Variants in DDX10 observed in about 807,000 individuals in gnomAD.
DDX10 encodes the protein DEAD-box helicase 10.
A neutral mutation model predicts 104.3 loss-of-function variants in DDX10; 74 were observed. That is an observed-to-expected ratio of 0.71 (90% confidence interval 0.59 to 0.86). DDX10 has a LOEUF of 0.86. Among genes scored for constraint, DDX10 ranks in the 40% least tolerant of loss-of-function variants. DDX10 has a pLI of 0.00. For missense variants in DDX10, 952 were observed against 1,040.0 expected (o/e 0.92, Z 1.16); for synonymous variants, 351 against 353.4 (o/e 0.99, Z 0.08).
intron 6 of DDX10, among the ~76,000 whole-genome samples, chr11:108,685,546 T>C (rs2094242676): frequency 6.6e-6 from 1 of 152,222 alleles, no homozygotes; most frequent in Non-Finnish European, 1.5e-5. Flanking sequence ...TCGGCCATCT[T>C]GGCTCCTCCC....
chr11:108,880,399 G>A (rs1391115560), intron 16 of DDX10, among the ~76,000 whole-genome samples: 1 of 152,158 alleles, frequency 6.6e-6, no homozygotes, highest in African/African-American at 2.4e-5. Flanking sequence ...TTAATTTGGT[G>A]GTGGGAGTTG....
chr11:108,695,403 C>G (rs1332873666), intron 9 of DDX10, among the ~76,000 whole-genome samples: 1 of 152,178 alleles, frequency 6.6e-6, no homozygotes, highest in Non-Finnish European at 1.5e-5. Context: ...AAACTCTTCT[C>G]AAAACTTTCC....
At chr11:108,857,495 T>G (rs1862886634) in intron 16 of DDX10, among the ~76,000 whole-genome samples, 1 of 152,172 alleles carries the variant, frequency 6.6e-6, no homozygotes, top group Admixed American at 6.5e-5. Flanking sequence ...ATAATTACAG[T>G]GCTGATGTGG....
At chr11:108,824,333 G>A (rs977285144) in intron 13 of DDX10, among the ~76,000 whole-genome samples, 2 of 152,128 alleles carry the variant, frequency 1.3e-5, no homozygotes, top group African/African-American at 4.8e-5. Flanking sequence ...ACCTGTCCTG[G>A]GACTTTTAAC....
chr11:108,831,201 T>A (rs1372694350), intron 13 of DDX10, among the ~76,000 whole-genome samples: 3 of 151,930 alleles, frequency 2.0e-5, no homozygotes, highest in Non-Finnish European at 4.4e-5. Flanking sequence ...GTCAAGAGAT[T>A]GAGACCATCC....
intron 12 of DDX10, among the ~76,000 whole-genome samples, chr11:108,720,225 C>T (rs1297060529): frequency 2.0e-5 from 3 of 152,156 alleles, no homozygotes; most frequent in Non-Finnish European, 4.4e-5. Flanking sequence ...AATCAGGGAG[C>T]AGTTTATTAT....
chr11:108,670,812 A>T (rs1178156737), intron 1 of DDX10, among the ~76,000 whole-genome samples: 5 of 147,500 alleles, frequency 3.4e-5, no homozygotes, highest in Non-Finnish European at 6.0e-5. Context: ...TTTTTTTTTT[A>T]AATCAAAATT....
intron 17 of DDX10, chr11:108,919,483 C>G (rs185937827): frequency 6.6e-6 from 1 of 152,244 alleles, no homozygotes; most frequent in African/African-American, 2.4e-5. Context: ...GTTTGCTTCC[C>G]CTTGTGTTCC....
intron 16 of DDX10, among the ~76,000 whole-genome samples, chr11:108,889,062 G>C (rs1028170738): frequency 6.6e-6 from 1 of 152,104 alleles, no homozygotes; most frequent in Non-Finnish European, 1.5e-5. Context: ...TAGTGAAAGT[G>C]CTTTGTAAAC....
chr11:108,778,808 T>C (rs1332055311), intron 13 of DDX10, among the ~76,000 whole-genome samples: 30 of 152,228 alleles, frequency 2.0e-4, no homozygotes, highest in Admixed American at 2.0e-3. Flanking sequence ...GACAAAGGGC[T>C]AATATCCAGA....
At chr11:108,686,300 C>G (rs1194935143) in intron 6 of DDX10, among the ~76,000 whole-genome samples, 1 of 152,142 alleles carries the variant, frequency 6.6e-6, no homozygotes, top group East Asian at 1.9e-4. Context: ...TGTGGTACAG[C>G]CCATTGATTT....
At chr11:108,722,800 A>G (rs903909828) in intron 12 of DDX10, among the ~76,000 whole-genome samples, 197 bp from the exon 13 acceptor site, 22 of 152,154 alleles carry the variant, frequency 1.4e-4, no homozygotes, top group African/African-American at 5.1e-4. Flanking sequence ...AGTGTCTAAA[A>G]TGTTTTCTGA....
chr11:108,722,606 A>G (rs549804835), intron 12 of DDX10, among the ~76,000 whole-genome samples: 6 of 152,234 alleles, frequency 3.9e-5, no homozygotes, highest in African/African-American at 1.4e-4. Context: ...TCATGTAGTT[A>G]GTTAATTGGA....
intron 13 of DDX10, among the ~76,000 whole-genome samples, chr11:108,810,645 T>A (rs1369395244): frequency 6.6e-6 from 1 of 152,222 alleles, no homozygotes; most frequent in Non-Finnish European, 1.5e-5. Flanking sequence ...TATAAATGTT[T>A]ATGTTTCAAC....
chr11:108,843,642 G>A (rs998955862), intron 15 of DDX10, among the ~76,000 whole-genome samples: 4 of 151,900 alleles, frequency 2.6e-5, no homozygotes, highest in Admixed American at 2.6e-4. Flanking sequence ...TGTAATCCCA[G>A]CTACTCAGGA....
chr11:108,703,371 C>G (rs2094271276), intron 9 of DDX10, among the ~76,000 whole-genome samples: 1 of 151,264 alleles, frequency 6.6e-6, no homozygotes, highest in African/African-American at 2.4e-5. Flanking sequence ...CACTCTGTCT[C>G]CAGGCTGGAG....
chr11:108,937,101 G>A (rs1306085616), intron 17 of DDX10, among the ~76,000 whole-genome samples: 2 of 152,198 alleles, frequency 1.3e-5, no homozygotes, highest in Non-Finnish European at 2.9e-5. Flanking sequence ...TTGGAGATGG[G>A]TCTTGAAGGA....
chr11:108,914,946 C>T (rs4754361), intron 16 of DDX10, among the ~76,000 whole-genome samples: 22,686 of 150,220 alleles, frequency 0.15, 2,103 homozygotes, highest in East Asian at 0.28. Context: ...AAAGGAACAG[C>T]AAACCTGAAC....
In DDX10 at chr11:108,871,164, A is replaced by C. The variant is rs1321842689; in HGVS notation, c.2304+18955A>C. 2.0e-5 allele frequency among the ~76,000 whole-genome samples: 3 copies of C among 151,852 alleles called. No individual in the cohort carries two copies. The East Asian group carries it at 5.8e-4, about 29-fold the overall frequency. On this transcript the variant is annotated intron_variant, in intron 16 of 17. Coordinates refer to ENST00000322536, the MANE Select transcript of DDX10 (RefSeq NM_004398.4). ...AAACTGGAGCATTTTTTTTTTCTCC[A>C]TAGAAAAGATGTTCTATACTGTGGT...
Sources: allele counts gnomAD v4.1 joint callset (sites outside exome capture counted in the v4.1 genomes callset), GRCh38; gene constraint gnomAD v4.1.1; transcripts MANE v1.5; gene names NCBI Gene and HGNC (gene_info 2026-07-23, HGNC 2026-07-21).